The following CA1 variants were observed in gnomAD, a reference collection of about 807,000 sequenced individuals.
CA1 encodes the protein carbonate dehydratase I.
Under a neutral mutation model 28.8 loss-of-function variants are expected in CA1, and 27 were observed. The observed-to-expected ratio is 0.94, with a 90% CI of 0.69 to 1.29. The LOEUF (loss-of-function observed/expected upper bound fraction) is 1.29, where lower values mean the gene tolerates loss of function less well. CA1 is among the 50% of genes most tolerant of loss of function. The pLI is 0.00. For missense variants in CA1, 335 were observed against 310.5 expected, an observed-to-expected ratio of 1.08 and a Z score of -0.59; for synonymous variants, 121 against 108.8, an observed-to-expected ratio of 1.11 and a Z score of -0.70.
intron 7 of CA1, among the ~76,000 whole-genome samples, chr8:85,328,963 A>G (rs1241349034): frequency 6.6e-6 from 1 of 152,064 alleles, no homozygotes; most frequent in Non-Finnish European, 1.5e-5. Flanking sequence ...TAAAGTATCA[A>G]CTTTTTAATT....
At chr8:85,357,397 A>G (rs750102422) in intron 1 of CA1, among the ~76,000 whole-genome samples, 44 of 152,238 alleles carry the variant, frequency 2.9e-4, no homozygotes, top group African/African-American at 6.0e-4. Flanking sequence ...TTTCACCTCT[A>G]TAAGCCTCTG....
intron 1 of CA1, 47 bp downstream of exon 1, chr8:85,377,999 C>T (rs991215913): frequency 6.6e-6 from 1 of 152,072 alleles, no homozygotes; most frequent in African/African-American, 2.4e-5. Context: ...TCGGATAAAA[C>T]ACTTCAATGC....
At chr8:85,376,116 A>G (rs531680018) in intron 1 of CA1, among the ~76,000 whole-genome samples, 3 of 152,276 alleles carry the variant, frequency 2.0e-5, no homozygotes, top group Admixed American at 2.0e-4. Flanking sequence ...GGATCGCTTG[A>G]GGTTAGGAGT....
At chr8:85,355,549 CTTTTTTTTT>C (rs11353842) in intron 1 of CA1, among the ~76,000 whole-genome samples, 6 of 108,700 alleles carry the variant, frequency 5.5e-5, no homozygotes, top group African/African-American at 2.2e-4. Context: ...TGTCTAGTTC[CTTTTTTTTT>C]TTTTTTTTTT....
intron 1 of CA1, among the ~76,000 whole-genome samples, chr8:85,344,217 AT>A (rs1809055602): frequency 1.5e-5 from 1 of 66,610 alleles, no homozygotes; most frequent in African/African-American, 9.3e-5. Context: ...TAATATAATT[AT>A]ATTATATACA....
chr8:85,346,374 T>A (rs1219554932), intron 1 of CA1, among the ~76,000 whole-genome samples: 1 of 152,224 alleles, frequency 6.6e-6, no homozygotes, highest in African/African-American at 2.4e-5. Flanking sequence ...CTATAACTGT[T>A]TGGGAAATTA....
chr8:85,363,790 C>T (rs974233790), intron 1 of CA1, among the ~76,000 whole-genome samples: 1 of 152,174 alleles, frequency 6.6e-6, no homozygotes, highest in Non-Finnish European at 1.5e-5. Flanking sequence ...GCCCTGAAGC[C>T]CTGTTCCAGT....
At chr8:85,345,288 C>A (rs1809133339) in intron 1 of CA1, among the ~76,000 whole-genome samples, 1 of 152,168 alleles carries the variant, frequency 6.6e-6, no homozygotes, top group Non-Finnish European at 1.5e-5. Flanking sequence ...TGTACCCAGA[C>A]CTTTGTATAG....
At chr8:85,328,746 A>G (rs1808277494) in intron 7 of CA1, 70 bp from the exon 8 acceptor site, 10 of 875,138 alleles carry the variant, frequency 1.1e-5, no homozygotes, top group African/African-American at 1.7e-5. Flanking sequence ...TTACAGGATT[A>G]CTAACGCACT....
intron 1 of CA1, among the ~76,000 whole-genome samples, chr8:85,374,748 A>ATG (rs1373406499): frequency 1.3e-5 from 2 of 152,158 alleles, no homozygotes; most frequent in Non-Finnish European, 2.9e-5. Context: ...GCCATTAGGA[A>ATG]GCACACTTTC....
intron 1 of CA1, among the ~76,000 whole-genome samples, chr8:85,344,774 C>T (rs1436863180): frequency 6.6e-6 from 1 of 152,146 alleles, no homozygotes; most frequent in Non-Finnish European, 1.5e-5. Flanking sequence ...GAAAAATCCA[C>T]ACCTTGGCAG....
chr8:85,336,108 C>G (rs192203319), intron 4 of CA1, among the ~76,000 whole-genome samples: 5 of 152,228 alleles, frequency 3.3e-5, no homozygotes, highest in Admixed American at 2.6e-4. Context: ...AATTCTGATG[C>G]ATTCACCCAA....
intron 1 of CA1, among the ~76,000 whole-genome samples, chr8:85,353,614 T>C (rs1462323446): frequency 6.6e-6 from 1 of 152,202 alleles, no homozygotes; most frequent in Non-Finnish European, 1.5e-5. Flanking sequence ...TTGTTTTACA[T>C]GTTTTGTTTT....
intron 1 of CA1, among the ~76,000 whole-genome samples, chr8:85,343,660 A>G (rs545369138): frequency 1.3e-5 from 2 of 152,222 alleles, no homozygotes; most frequent in African/African-American, 2.4e-5. Flanking sequence ...ACCCCCTTTC[A>G]TTACACGACT....
At chr8:85,356,145 AT>A (rs1255841136) in intron 1 of CA1, among the ~76,000 whole-genome samples, 1 of 152,216 alleles carries the variant, frequency 6.6e-6, no homozygotes, top group Non-Finnish European at 1.5e-5. Flanking sequence ...AACACATTGA[AT>A]GTTGTCATAT....
intron 1 of CA1, among the ~76,000 whole-genome samples, chr8:85,356,578 T>C (rs1388541516): frequency 6.6e-6 from 1 of 152,206 alleles, no homozygotes; most frequent in Non-Finnish European, 1.5e-5. Flanking sequence ...TTAGTGCTAT[T>C]CTAAGCCATT....
At chr8:85,341,745 G>A in intron 1 of CA1, 86 bp from the exon 2 acceptor site, 2 of 771,874 alleles carry the variant, frequency 2.6e-6, no homozygotes, top group Non-Finnish European at 4.7e-6. Context: ...CGTTTTTATA[G>A]AAACTTACTT....
intron 1 of CA1, among the ~76,000 whole-genome samples, chr8:85,344,274 AT>A (rs1809077093): frequency 1.5e-5 from 1 of 65,124 alleles, no homozygotes; most frequent in Non-Finnish European, 3.4e-5. Context: ...ATAATATATA[AT>A]TATATATTAT....
intron 1 of CA1, among the ~76,000 whole-genome samples, chr8:85,354,455 A>G (rs1809530921): frequency 6.6e-6 from 1 of 152,142 alleles, no homozygotes; most frequent in Non-Finnish European, 1.5e-5. Context: ...AAAAGTGCTA[A>G]GACAAAATCT....
Sources: allele counts gnomAD v4.1 joint callset (sites outside exome capture counted in the v4.1 genomes callset), GRCh38; gene constraint gnomAD v4.1.1; transcripts MANE v1.5; gene names NCBI Gene and HGNC (gene_info 2026-07-23, HGNC 2026-07-21).